KLF12: variants seen among roughly 807,000 people sequenced by gnomAD.
KLF12 encodes the protein KLF transcription factor 12.
In KLF12, 9 loss-of-function variants were observed where a neutral mutation model predicts 37.8. The ratio of observed to expected loss-of-function variants is 0.24; its 90% CI spans 0.14 to 0.42. The LOEUF is 0.42. Among genes scored for constraint, KLF12 ranks in the 10% least tolerant of loss-of-function variants. The pLI is 1.00. For synonymous variants in KLF12, 208 were observed against 202.1 expected, an observed-to-expected ratio of 1.03 and a Z score of -0.25; for missense variants, 411 against 516.0, an observed-to-expected ratio of 0.80 and a Z score of 1.97.
chr13:73,696,970 C>T (rs1414912277), intron 7 of KLF12, among the ~76,000 whole-genome samples: 1 of 152,098 alleles, frequency 6.6e-6, no homozygotes, highest in Non-Finnish European at 1.5e-5. Flanking sequence ...TTTAGACGCC[C>T]TTCTGTACCA....
chr13:73,875,820 T>G (rs1479064519), intron 3 of KLF12, among the ~76,000 whole-genome samples: 1 of 152,228 alleles, frequency 6.6e-6, no homozygotes, highest in African/African-American at 2.4e-5. Context: ...GATAAACTAG[T>G]AAAACTATCT....
At chr13:74,033,603 C>T (rs920498650) in intron 1 of KLF12, among the ~76,000 whole-genome samples, 4 of 152,120 alleles carry the variant, frequency 2.6e-5, no homozygotes, top group African/African-American at 9.7e-5. Flanking sequence ...GACAAACTTC[C>T]ATAGCAAAGA....
At chr13:74,093,342 G>A (rs2138831190) in intron 1 of KLF12, among the ~76,000 whole-genome samples, 1 of 152,286 alleles carries the variant, frequency 6.6e-6, no homozygotes, top group East Asian at 1.9e-4. Context: ...ACTGAATCAT[G>A]TTTCAAAGCT....
the KLF12 span, among the ~76,000 whole-genome samples, chr13:74,142,956 A>G: frequency 1.2e-4 from 19 of 152,138 alleles, no homozygotes; most frequent in Non-Finnish European, 2.1e-4. Context: ...TACAACTTTA[A>G]ACTTAAAATC....
At chr13:74,129,127 C>T (rs893973439) in intron 1 of KLF12, among the ~76,000 whole-genome samples, 1 of 152,142 alleles carries the variant, frequency 6.6e-6, no homozygotes, top group Non-Finnish European at 1.5e-5. Context: ...ATGCTCAAGT[C>T]CGTTATAAAA....
At chr13:74,035,014 T>C (rs1277641634) in intron 1 of KLF12, among the ~76,000 whole-genome samples, 1 of 152,190 alleles carries the variant, frequency 6.6e-6, no homozygotes, top group African/African-American at 2.4e-5. Flanking sequence ...GCCTCACCAG[T>C]TTCCTGTTAT....
intron 1 of KLF12, among the ~76,000 whole-genome samples, chr13:74,118,715 C>T (rs914353759): frequency 3.4e-4 from 51 of 152,102 alleles, no homozygotes; most frequent in African/African-American, 1.2e-3. Flanking sequence ...TTATCACCCC[C>T]GCCAAAACCC....
At position 74,037,076 on chromosome 13, in the gene KLF12, C is replaced by T. The variant is rs182549079; in HGVS notation, c.-31-42023G>A. 3.5e-3 allele frequency among the ~76,000 whole-genome samples: 532 copies of T among 151,818 alleles called. 3 individuals are homozygous for T. The highest frequency in any genetic ancestry group is 6.8e-3 in the Middle Eastern group (2 of 294). ...AAAATTAGCCAGGCATGGTGGTGGG[C>T]GCCTGTAATCTCAGCTATTCGGGAG... On this transcript the variant is annotated intron_variant, in intron 1 of 7. Coordinates refer to ENST00000377669, the MANE Select transcript of KLF12 (RefSeq NM_007249.5).
intron 1 of KLF12, among the ~76,000 whole-genome samples, chr13:73,996,460 A>G (rs1892122763): frequency 6.6e-6 from 1 of 152,228 alleles, no homozygotes; most frequent in Non-Finnish European, 1.5e-5. Context: ...CAATCAAGGT[A>G]CATCAAAACC....
intron 2 of KLF12, among the ~76,000 whole-genome samples, chr13:73,992,538 C>A (rs924942536): frequency 2.0e-5 from 3 of 152,064 alleles, no homozygotes; most frequent in Admixed American, 2.0e-4. Flanking sequence ...AGTATGGACA[C>A]AACAGAAATT....
At position 73,833,251 on chromosome 13, in the gene KLF12, T is replaced by A. The variant is rs75675596; in HGVS notation, c.670+12576A>T. Among the ~76,000 whole-genome samples the A allele has an allele frequency of 4.6e-3, 696 of 152,318 alleles. 5 individuals are homozygous for A. Among genetic ancestry groups the A allele is most frequent in the East Asian group, 0.014 (74 of 5,190 alleles). ...GAATAAATAAGAACTGACTACAATT[T>A]TCATACAGCAATATCTACGTATTAA... On this transcript the variant is annotated intron_variant, in intron 4 of 7. Coordinates refer to ENST00000377669, the MANE Select transcript of KLF12 (RefSeq NM_007249.5).
chr13:73,706,454 G>C (rs1013973162), intron 7 of KLF12, among the ~76,000 whole-genome samples: 1 of 152,154 alleles, frequency 6.6e-6, no homozygotes, highest in Non-Finnish European at 1.5e-5. Context: ...GTACAGAATG[G>C]TTGCCTACAT....
intron 4 of KLF12, among the ~76,000 whole-genome samples, chr13:73,825,138 G>GT (rs1883765450): frequency 6.6e-6 from 1 of 151,930 alleles, no homozygotes; most frequent in South Asian, 2.1e-4. Flanking sequence ...TCCATATTTT[G>GT]TAACAGTGCC....
intron 2 of KLF12, among the ~76,000 whole-genome samples, chr13:73,961,690 T>C (rs535226872): frequency 1.3e-5 from 2 of 152,258 alleles, no homozygotes; most frequent in South Asian, 2.1e-4. Flanking sequence ...AATGAGACTT[T>C]AGGGCAACAG....
rs574958508 is a variant in KLF12, at chr13:74,053,410, A to G, written c.-31-58357T>C. Among the ~76,000 whole-genome samples, 246 of 152,052 alleles carry G rather than the reference A, an allele frequency of 1.6e-3. 1 individual carries two copies. The highest frequency in any genetic ancestry group is 5.7e-3 in the African/African-American group (238 of 41,468). On this transcript the variant is annotated intron_variant, in intron 1 of 7. Coordinates refer to ENST00000377669, the MANE Select transcript of KLF12 (RefSeq NM_007249.5). ...ATTACCACTAACAACAAGGATGATC[A>G]TGTGTCAGGCACTGTCCTAAGTCCT...
chr13:73,699,129 C>T (rs2137565221), intron 7 of KLF12, among the ~76,000 whole-genome samples: 1 of 152,034 alleles, frequency 6.6e-6, no homozygotes, highest in East Asian at 1.9e-4. Context: ...GAAGCTGAGG[C>T]AGGAAGATCC....
chr13:73,958,496 G>A (rs1285569842), intron 2 of KLF12, among the ~76,000 whole-genome samples: 1 of 152,076 alleles, frequency 6.6e-6, no homozygotes, highest in Non-Finnish European at 1.5e-5. Context: ...GCCCGCCTCA[G>A]CCTCCCAAAG....
intron 5 of KLF12, among the ~76,000 whole-genome samples, chr13:73,788,312 ATC>A (rs373994386): frequency 3.9e-4 from 60 of 152,336 alleles, no homozygotes; most frequent in African/African-American, 1.3e-3. Flanking sequence ...ACAGTAGGGA[ATC>A]TGAGGAGTTT....
chr13:74,068,981 G>A (rs1397748869), intron 1 of KLF12, among the ~76,000 whole-genome samples: 3 of 152,112 alleles, frequency 2.0e-5, no homozygotes, highest in Admixed American at 2.0e-4. Context: ...TGTATTTATT[G>A]TCATGTCTTC....
Sources: gnomAD v4.1 joint callset for allele counts (sites outside exome capture counted in the v4.1 genomes callset) on GRCh38, gnomAD v4.1.1 for gene constraint, MANE v1.5 for transcripts, NCBI Gene and HGNC (gene_info 2026-07-23, HGNC 2026-07-21) for gene names.